KLHL36: variants seen among roughly 807,000 people sequenced by gnomAD.
KLHL36 encodes kelch like family member 36, also known as kelch-like protein 36.
In KLHL36, 35 loss-of-function variants were observed where a neutral mutation model predicts 53.3. The ratio of observed to expected loss-of-function variants is 0.66; its 90% CI spans 0.50 to 0.87. The LOEUF is 0.87. KLHL36 is among the 40% of genes least tolerant of loss of function. The pLI is 0.00. For missense variants in KLHL36, 864 were observed against 897.6 expected, an observed-to-expected ratio of 0.96 and a Z score of 0.48; for synonymous variants, 472 against 398.9, an observed-to-expected ratio of 1.18 and a Z score of -2.18.
chr16:84,663,259 A>G lies in KLHL36; in HGVS notation c.*1126A>G, dbSNP rs1483259226. 3.3e-5 allele frequency: 5 copies of G among 152,238 alleles called. No individual in the cohort carries two copies. The highest frequency in any genetic ancestry group is 7.2e-5 in the African/African-American group (3 of 41,458). 9.4% of individuals were successfully genotyped at this position (152,238 alleles called of 1,614,324 possible). On this transcript the variant is annotated 3_prime_UTR_variant, in exon 5 of 5. Coordinates refer to ENST00000564996, the MANE Select transcript of KLHL36 (RefSeq NM_024731.4). ...GTTCCCTCATCCACCCCGCTTAGCC[A>G]CAGGATTAGATGGAATACCCTCCAG...
intron 1 of KLHL36, among the ~76,000 whole-genome samples, chr16:84,649,977 C>A (rs571636207): frequency 6.6e-6 from 1 of 150,938 alleles, no homozygotes; most frequent in African/African-American, 2.4e-5. Context: ...CCTCCCCCGC[C>A]CCCCACACAC....
chr16:84,650,449 G>A (rs569608664), intron 1 of KLHL36, among the ~76,000 whole-genome samples: 1 of 152,158 alleles, frequency 6.6e-6, no homozygotes, highest in Non-Finnish European at 1.5e-5. Flanking sequence ...TGAAATAAGT[G>A]ATATCAGCCT....
In KLHL36 at chr16:84,665,508, C is replaced by T. The variant is rs1010919807; in HGVS notation, c.*3375C>T. On this transcript the variant is annotated 3_prime_UTR_variant, in exon 5 of 5. Coordinates refer to ENST00000564996, the MANE Select transcript of KLHL36 (RefSeq NM_024731.4). ...AAATGCACAGAGATTATTTTATCAA[C>T]TGTGGTTAGCACGCAATTGGTATTT... 1 of 152,188 alleles carries T rather than the reference C, an allele frequency of 6.6e-6. No individual in the cohort carries two copies. The highest frequency in any genetic ancestry group is 1.5e-5 in the Non-Finnish European group (1 of 68,028). 9.4% of individuals were successfully genotyped at this position (152,188 alleles called of 1,614,324 possible). A position where few individuals can be genotyped will look rare whatever the true frequency, so the allele number is the denominator to read the frequency against.
intron 2 of KLHL36, among the ~76,000 whole-genome samples, chr16:84,655,526 G>A (rs1041624136): frequency 2.0e-5 from 3 of 151,874 alleles, no homozygotes; most frequent in Non-Finnish European, 4.4e-5. Flanking sequence ...GACATAGTGA[G>A]ACCTCGTCTC....
At chr16:84,655,996 G>A (rs1412572821) in intron 2 of KLHL36, among the ~76,000 whole-genome samples, 5 of 151,664 alleles carry the variant, frequency 3.3e-5, no homozygotes, top group East Asian at 4.0e-4. Flanking sequence ...GGGCTTGAGC[G>A]ATCCTCCTGC....
At position 84,648,590 on chromosome 16, in the gene KLHL36, C is replaced by G. The variant is rs1327454442; in HGVS notation, c.-76C>G. ...TCTCCTGAACCCGGGCCCCGCCGCCCCGACCGCCCGGCCCCGCCGCCGGGG... is the reference window on the plus strand; with the variant it reads ...TCTCCTGAACCCGGGCCCCGCCGCCGCGACCGCCCGGCCCCGCCGCCGGGG... On this transcript the variant is annotated 5_prime_UTR_variant, in exon 1 of 5. Transcript: ENST00000564996. This position sits in a 1 kb window ranked among gnomAD's most constrained non-coding sequence, Gnocchi z 4.9. The G allele has an allele frequency of 2.0e-5, 3 of 147,906 alleles. No homozygotes were observed. Among genetic ancestry groups the G allele is most frequent in the Admixed American group, 2.0e-4 (3 of 14,846 alleles). The allele number at this position is 147,906 out of a possible 1,614,324, so 9.2% of individuals were successfully genotyped here.
Position 84,657,161 on chromosome 16 carries a change from C to T in KLHL36, c.354C>T (p.Tyr118=), listed in dbSNP as rs371195753. 1.4e-5 allele frequency: 22 copies of T among 1,614,046 alleles called. No homozygotes were observed. The highest frequency in any genetic ancestry group is 4.5e-5 in the East Asian group (2 of 44,902). The change falls in exon 3 of 5, where the codon TAC becomes TAT. Residue 118 remains tyrosine (Y), a synonymous_variant. Transcript: ENST00000564996. ...ELVLDGGNID[Y]VLETAHLLQI... ...TGCTGGATGGCGGCAACATTGACTA[C>T]GTCCTGGAGACGGCTCACCTGCTGC...
At position 84,662,923 on chromosome 16, in the gene KLHL36, C is replaced by T. The variant is rs1183271466; in HGVS notation, c.*790C>T. ...GAAAAAAGGTATGAAGCTCTTTATA[C>T]ATATTTTTTTGTAATTTGTGCATTT... is the stretch of plus-strand genomic sequence containing the variant. On this transcript the variant is annotated 3_prime_UTR_variant, in exon 5 of 5. Coordinates refer to ENST00000564996, the MANE Select transcript of KLHL36 (RefSeq NM_024731.4). 6.6e-6 allele frequency: 1 copy of T among 151,364 alleles called. No individual in the cohort carries two copies. The highest frequency in any genetic ancestry group is 6.6e-5 in the Admixed American group (1 of 15,192). The allele number at this position is 151,364 out of a possible 1,614,324, so 9.4% of individuals were successfully genotyped here.
chr16:84,655,988 G>C (rs905667437), intron 2 of KLHL36, among the ~76,000 whole-genome samples: 1 of 152,014 alleles, frequency 6.6e-6, no homozygotes, highest in African/African-American at 2.4e-5. Context: ...AAGCTCCTGG[G>C]CTTGAGCGAT....
At chr16:84,654,829 C>T (rs550566354) in intron 2 of KLHL36, among the ~76,000 whole-genome samples, 2 of 152,100 alleles carry the variant, frequency 1.3e-5, no homozygotes, top group Non-Finnish European at 2.9e-5. Flanking sequence ...AGGCTGGTCT[C>T]GAACTCCTGA....
chr16:84,654,728 A>G (rs1017486334), intron 2 of KLHL36, among the ~76,000 whole-genome samples: 5 of 152,180 alleles, frequency 3.3e-5, no homozygotes, highest in African/African-American at 1.2e-4. Flanking sequence ...CTCCTGCGTC[A>G]GCCTCCTGAG....
intron 2 of KLHL36, among the ~76,000 whole-genome samples, chr16:84,656,130 A>G (rs1907184782): frequency 2.0e-5 from 3 of 152,120 alleles, no homozygotes; most frequent in Non-Finnish European, 1.5e-5. Context: ...CCTGGCCTCA[A>G]GTGATTCTCC....
rs1386066764 is a variant in KLHL36 at position 84,657,043 on chromosome 16, T to G, written c.236T>G (p.Met79Arg). 1 of 1,614,196 alleles carries G rather than the reference T, an allele frequency of 6.2e-7. No individual in the cohort carries two copies. The highest frequency in any genetic ancestry group is 1.7e-5 in the Admixed American group (1 of 60,024). The change falls in exon 3 of 5, where the codon ATG becomes AGG. Residue 79 changes from methionine to arginine, a missense_variant. Physicochemically the swap from Met to Arg is moderately conservative, Grantham distance 91 (BLOSUM62 -1). Transcript: ENST00000564996. ...TTCAACTCCATGTTCACCATCGGCA[T>G]GCGGGAAGCTTTCCAGAAGGAGGTG... ...DYFNSMFTIG[M>R]REAFQKEVEL...
At position 84,657,658 on chromosome 16, in the gene KLHL36, A is replaced by G; in HGVS notation, c.851A>G (p.Gln284Arg). 6.2e-7 allele frequency: 1 copy of G among 1,612,342 alleles called. No individual in the cohort carries two copies. The highest frequency in any genetic ancestry group is 8.5e-7 in the Non-Finnish European group (1 of 1,179,624). ...AACCTGGCGGCCCAGCCCGTCATGC[A>G]GACCAAGCGCACGGCGCTGCGCACC... ...HNNLAAQPVM[Q>R]TKRTALRTNQ... Residue 284 changes from glutamine to arginine, a missense_variant, in exon 3 of 5, where the codon CAG (glutamine) becomes CGG (arginine). Physicochemically the swap from Gln to Arg is conservative, Grantham distance 43. Transcript: ENST00000564996.
In KLHL36 at chr16:84,657,680, C is replaced by T; in HGVS notation, c.873C>T (p.Arg291=). 2 of 1,612,722 alleles carry T rather than the reference C, an allele frequency of 1.2e-6. No homozygotes were observed. The highest frequency in any genetic ancestry group is 1.7e-6 in the Non-Finnish European group (2 of 1,179,808). Residue 291 remains arginine, a synonymous_variant, in exon 3 of 5, where the codon CGC becomes CGT. Transcript: ENST00000564996. The part of the protein sequence containing the change: ...PVMQTKRTAL[R]TNQERLLFVG... ...TGCAGACCAAGCGCACGGCGCTGCG[C>T]ACCAACCAGGAGCGCCTGCTGTTTG...
In KLHL36 at chr16:84,665,218, A is replaced by G. The variant is rs1225305360; in HGVS notation, c.*3085A>G. ...TGTTAAACTTTCAGTGTTTCAAGCT[A>G]TTCTGCTTGAATTTTGAAGACACCT... is the stretch of plus-strand genomic sequence containing the variant. On this transcript the variant is annotated 3_prime_UTR_variant, in exon 5 of 5. Transcript: ENST00000564996. 2 of 150,830 alleles carry G rather than the reference A, an allele frequency of 1.3e-5. No homozygotes were observed. The highest frequency in any genetic ancestry group is 2.9e-5 in the Non-Finnish European group (2 of 67,860). 9.3% of individuals were successfully genotyped at this position (150,830 alleles called of 1,614,324 possible). A position where few individuals can be genotyped will look rare whatever the true frequency, so the allele number is the denominator to read the frequency against.
In KLHL36 at chr16:84,661,686, C is replaced by G; in HGVS notation, c.1404C>G (p.His468Gln). 6.2e-7 allele frequency: 1 copy of G among 1,613,708 alleles called. No homozygotes were observed. Among genetic ancestry groups the G allele is most frequent in the South Asian group, 1.1e-5 (1 of 91,072 alleles). Residue 468 changes from histidine to glutamine, a missense_variant, in exon 5 of 5, where the codon CAC becomes CAG. His to Gln is a conservative substitution (Grantham distance 24). Transcript: ENST00000564996. This position sits in a 1 kb window ranked among gnomAD's most constrained non-coding sequence, Gnocchi z 7.9. ...PYRKNLLCYD[H>Q]RTDVWEERRP... ...GCAAGAACCTGCTATGCTACGACCA[C>G]CGGACAGACGTGTGGGAGGAGCGGC...
Position 84,665,127 on chromosome 16 carries a change from G to A in KLHL36, c.*2994G>A, listed in dbSNP as rs998618798. On this transcript the variant is annotated 3_prime_UTR_variant, in exon 5 of 5. Transcript: ENST00000564996. The stretch of plus-strand genomic sequence containing the variant: ...GTCACGAATGTGGGGTTTTAAACTA[G>A]AGTGATGAAGGCACAGGTGCTTGCA... 4 of 152,342 alleles carry A rather than the reference G, an allele frequency of 2.6e-5. No homozygotes were observed. The highest frequency in any genetic ancestry group is 7.2e-5 in the African/African-American group (3 of 41,582). The allele number at this position is 152,342 out of a possible 1,614,324, so 9.4% of individuals were successfully genotyped here. A position where few individuals can be genotyped will look rare whatever the true frequency, so the allele number is the denominator to read the frequency against.
chr16:84,660,518 A>C (rs1907483691), intron 4 of KLHL36, among the ~76,000 whole-genome samples: 1 of 151,992 alleles, frequency 6.6e-6, no homozygotes, highest in South Asian at 2.1e-4. Flanking sequence ...CATTTTTTCC[A>C]CCAGTTCCCT....
Sources: gnomAD v4.1 joint callset for allele counts (sites outside exome capture counted in the v4.1 genomes callset) on GRCh38, gnomAD v4.1.1 for gene constraint, Gnocchi (gnomAD v3.1) non-coding constraint, MANE v1.5 for transcripts, NCBI Gene and HGNC (gene_info 2026-07-23, HGNC 2026-07-21) for gene names.